COP1: variants seen among roughly 807,000 people sequenced by gnomAD.
The protein encoded by COP1 is COP1 E3 ubiquitin ligase.
COP1 carries 24 observed loss-of-function variants against 101.3 expected under a neutral mutation model. The ratio of observed to expected loss-of-function variants is 0.24; its 90% CI spans 0.17 to 0.33. The LOEUF is 0.33. COP1 is among the 10% of genes least tolerant of loss of function. The pLI, the probability that COP1 is intolerant of heterozygous loss-of-function variation, is 1.00. For synonymous variants in COP1, 347 were observed against 341.9 expected, an observed-to-expected ratio of 1.01 and a Z score of -0.17; for missense variants, 663 against 906.2, an observed-to-expected ratio of 0.73 and a Z score of 3.45.
At chr1:176,083,487 A>C (rs927031589) in intron 10 of COP1, among the ~76,000 whole-genome samples, 7 of 152,164 alleles carry the variant, frequency 4.6e-5, no homozygotes, top group African/African-American at 1.7e-4. Flanking sequence ...AAAAAGGTAG[A>C]ATTTTGTTTG....
At chr1:175,947,172 T>C (rs1343459913) in intron 19 of COP1, 23 bp downstream of exon 19, 5 of 1,550,000 alleles carry the variant, frequency 3.2e-6, no homozygotes, top group South Asian at 2.2e-5. Context: ...GAGTTTAAAA[T>C]GGAGATATAG....
chr1:176,095,867 A>G (rs961082865), intron 9 of COP1, among the ~76,000 whole-genome samples: 1 of 152,164 alleles, frequency 6.6e-6, no homozygotes, highest in Admixed American at 6.5e-5. Context: ...AAAACATATA[A>G]AAATCTGTTA....
At chr1:176,008,317 G>A (rs1237231551) in intron 15 of COP1, among the ~76,000 whole-genome samples, 2 of 152,108 alleles carry the variant, frequency 1.3e-5, no homozygotes, top group Non-Finnish European at 2.9e-5. Flanking sequence ...CGTTGCTCAT[G>A]CTGGGAGCTG....
chr1:176,048,878 C>A (rs1671979166), intron 11 of COP1, among the ~76,000 whole-genome samples: 1 of 152,144 alleles, frequency 6.6e-6, no homozygotes, highest in African/African-American at 2.4e-5. Flanking sequence ...AAAATGCTGT[C>A]AAAAGAATTA....
intron 1 of COP1, chr1:176,206,308 G>A: frequency 2.1e-6 from 1 of 481,774 alleles, no homozygotes; most frequent in East Asian, 3.8e-5. Flanking sequence ...CTCGTCATTC[G>A]TTAAACTCCC....
intron 18 of COP1, among the ~76,000 whole-genome samples, chr1:175,981,194 T>C (rs902749644): frequency 1.3e-4 from 20 of 152,178 alleles, no homozygotes; most frequent in African/African-American, 4.8e-4. Context: ...TTCAGGTTTA[T>C]TTATTTTAAA....
At chr1:176,012,224 C>T (rs1664810702) in intron 15 of COP1, among the ~76,000 whole-genome samples, 1 of 152,218 alleles carries the variant, frequency 6.6e-6, no homozygotes, top group Non-Finnish European at 1.5e-5. Flanking sequence ...GCCTCGACTT[C>T]CTGGGCTCAG....
chr1:175,975,310 T>G (rs759292317), intron 18 of COP1, among the ~76,000 whole-genome samples: 1 of 152,188 alleles, frequency 6.6e-6, no homozygotes, highest in Non-Finnish European at 1.5e-5. Flanking sequence ...ACATTAGATG[T>G]GTGAGTTTGG....
At chr1:176,003,583 C>T (rs1264164574) in intron 15 of COP1, among the ~76,000 whole-genome samples, 2 of 151,592 alleles carry the variant, frequency 1.3e-5, no homozygotes, top group African/African-American at 4.8e-5. Context: ...AGCCAGTTTT[C>T]CCAGCACCAT....
At chr1:176,116,285 G>A (rs921382000) in intron 9 of COP1, among the ~76,000 whole-genome samples, 1 of 152,100 alleles carries the variant, frequency 6.6e-6, no homozygotes, top group African/African-American at 2.4e-5. Flanking sequence ...ACAGGCTGAG[G>A]TAGGAGAATT....
At chr1:176,111,127 G>A (rs2149561338) in intron 9 of COP1, among the ~76,000 whole-genome samples, 1 of 152,042 alleles carries the variant, frequency 6.6e-6, no homozygotes, top group Middle Eastern at 3.4e-3. Flanking sequence ...ACTCCAGCCT[G>A]GACAACAGAG....
At chr1:176,039,423 T>C (rs141768469) in intron 14 of COP1, among the ~76,000 whole-genome samples, 9 of 150,448 alleles carry the variant, frequency 6.0e-5, no homozygotes, top group Non-Finnish European at 1.2e-4. Context: ...AAATCTAAAG[T>C]AAGCAGGGAA....
At chr1:176,071,748 C>T (rs893142245) in intron 11 of COP1, among the ~76,000 whole-genome samples, 4 of 152,122 alleles carry the variant, frequency 2.6e-5, no homozygotes, top group African/African-American at 7.2e-5. Flanking sequence ...GGCTTCTAGA[C>T]GTAAGTTCTA....
At chr1:176,034,817 C>G (rs995757612) in intron 14 of COP1, among the ~76,000 whole-genome samples, 1 of 152,184 alleles carries the variant, frequency 6.6e-6, no homozygotes, top group Non-Finnish European at 1.5e-5. Context: ...TAGGCAGACT[C>G]AAAGTACCAC....
intron 15 of COP1, among the ~76,000 whole-genome samples, chr1:176,005,621 T>C (rs1662959064): frequency 6.6e-6 from 1 of 152,228 alleles, no homozygotes; most frequent in South Asian, 2.1e-4. Context: ...CCAGTAGTCA[T>C]TCAGGAGCAG....
chr1:176,037,101 C>T (rs1669691090), intron 14 of COP1, among the ~76,000 whole-genome samples: 1 of 152,030 alleles, frequency 6.6e-6, no homozygotes, highest in Admixed American at 6.5e-5. Flanking sequence ...TTCTACCAAA[C>T]ATTTAAGAAC....
chr1:176,189,889 T>A (rs866906306), intron 1 of COP1, among the ~76,000 whole-genome samples: 4 of 151,872 alleles, frequency 2.6e-5, no homozygotes, highest in African/African-American at 9.7e-5. Context: ...AATTCTCAAT[T>A]AGAAAACTTT....
intron 12 of COP1, among the ~76,000 whole-genome samples, chr1:176,045,951 C>A (rs1316612527): frequency 6.7e-6 from 1 of 149,414 alleles, no homozygotes; most frequent in Non-Finnish European, 1.5e-5. Context: ...GAAAGAAGAA[C>A]TTTAATTTGG....
chr1:176,064,864 T>C lies in COP1; in HGVS notation c.1277+16288A>G, dbSNP rs185396239. Among the ~76,000 whole-genome samples the C allele has an allele frequency of 3.7e-4, 57 of 152,238 alleles. No homozygotes were observed. In the Middle Eastern group the frequency reaches 0.017, roughly 45 times the overall value. On this transcript the variant is annotated intron_variant, in intron 11 of 19. Coordinates refer to ENST00000367669, the MANE Select transcript of COP1 (RefSeq NM_022457.7). ...GTCTCGAGCTCCTGGGCTCAAGCAA[T>C]CTGCCTGCCTCAGCCTCCTAAAGCT...
Sources: gnomAD v4.1 joint callset for allele counts (sites outside exome capture counted in the v4.1 genomes callset) on GRCh38, gnomAD v4.1.1 for gene constraint, MANE v1.5 for transcripts, NCBI Gene and HGNC (gene_info 2026-07-23, HGNC 2026-07-21) for gene names.